Variants in GABPB1 observed in about 807,000 individuals in gnomAD.
GABPB1 encodes the protein GA-binding protein subunit beta-1.
GABPB1 carries 15 observed loss-of-function variants against 45.9 expected under a neutral mutation model. The ratio of observed to expected loss-of-function variants is 0.33; its 90% CI spans 0.22 to 0.50. The LOEUF (loss-of-function observed/expected upper bound fraction) is 0.50, where lower values mean the gene tolerates loss of function less well. Among genes scored for constraint, GABPB1 ranks in the 20% least tolerant of loss-of-function variants. GABPB1 has a pLI of 0.98. For missense variants in GABPB1, 252 were observed against 457.5 expected, an observed-to-expected ratio of 0.55 and a Z score of 4.10; for synonymous variants, 143 against 154.4, an observed-to-expected ratio of 0.93 and a Z score of 0.55.
chr15:50,281,911 G>C (rs1030077214), intron 8 of GABPB1, among the ~76,000 whole-genome samples: 1 of 152,102 alleles, frequency 6.6e-6, no homozygotes, highest in Admixed American at 6.6e-5. Context: ...AGACTAGCCT[G>C]GGCAACAGGG....
intron 6 of GABPB1, among the ~76,000 whole-genome samples, chr15:50,290,618 A>G (rs1015016562): frequency 1.3e-5 from 2 of 152,168 alleles, no homozygotes; most frequent in Non-Finnish European, 2.9e-5. Context: ...CACAATTCAT[A>G]AGATGAATTT....
chr15:50,303,385 C>T (rs1190994719), intron 3 of GABPB1, among the ~76,000 whole-genome samples: 1 of 151,860 alleles, frequency 6.6e-6, no homozygotes, highest in Non-Finnish European at 1.5e-5. Flanking sequence ...CCCATCTCTA[C>T]AATACAAAAA....
At chr15:50,278,958 A>G (rs2045894860) in intron 8 of GABPB1, among the ~76,000 whole-genome samples, 174 bp from the exon 9 acceptor site, 1 of 151,936 alleles carries the variant, frequency 6.6e-6, no homozygotes, top group South Asian at 2.1e-4. Flanking sequence ...TTAAGTCCCT[A>G]ATTTTGTGCT....
intron 1 of GABPB1, among the ~76,000 whole-genome samples, chr15:50,341,901 A>T (rs1055970756): frequency 3.3e-5 from 5 of 152,226 alleles, no homozygotes; most frequent in Non-Finnish European, 7.3e-5. Flanking sequence ...TAATATGCAT[A>T]ATCATTAAAT....
intron 6 of GABPB1, among the ~76,000 whole-genome samples, chr15:50,296,432 A>G (rs2046513980): frequency 6.6e-6 from 1 of 152,238 alleles, no homozygotes; most frequent in African/African-American, 2.4e-5. Flanking sequence ...TAAAATGAAA[A>G]TTACACAAAT....
intron 8 of GABPB1, among the ~76,000 whole-genome samples, chr15:50,282,560 G>GAAAAAAAAAAA (rs552203074): frequency 1.7e-4 from 15 of 88,984 alleles, no homozygotes; most frequent in East Asian, 2.9e-4. Flanking sequence ...CCTTAAAAAA[G>GAAAAAAAAAAA]AAAAAAAAAA....
intron 1 of GABPB1, among the ~76,000 whole-genome samples, chr15:50,326,618 C>T (rs1232067213): frequency 2.0e-5 from 3 of 151,854 alleles, no homozygotes; most frequent in Non-Finnish European, 4.4e-5. Flanking sequence ...GCTGAGACGG[C>T]GCCATTGCAC....
At position 50,303,992 on chromosome 15, in the gene GABPB1, C is replaced by A; in HGVS notation, c.250G>T (p.Ala84Ser). ...PLHMAASEGH[A>S]SIVEVLLKHG... is the part of the protein sequence containing the mutation. ...TTAAGTAAAACCTCTACTATGCTGG[C>A]ATGGCCCTCAGAAGCTGCCATATGT... Residue 84 changes from alanine to serine, a missense_variant, in exon 3 of 9, where the codon GCC becomes TCC. Physicochemically the swap from Ala to Ser is moderately conservative, Grantham distance 99 (BLOSUM62 1). Transcript: ENST00000380877. 1 of 1,610,316 alleles carries A rather than the reference C, an allele frequency of 6.2e-7. No homozygotes were observed. The highest frequency in any genetic ancestry group is 1.7e-5 in the Admixed American group (1 of 59,240).
chr15:50,312,070 C>T (rs560940852), intron 1 of GABPB1, among the ~76,000 whole-genome samples: 3 of 152,158 alleles, frequency 2.0e-5, no homozygotes, highest in South Asian at 2.1e-4. Context: ...TATGGCAAGG[C>T]GCAGCAGCTT....
chr15:50,320,523 G>A (rs1417860694), intron 1 of GABPB1, among the ~76,000 whole-genome samples: 1 of 152,144 alleles, frequency 6.6e-6, no homozygotes, highest in Non-Finnish European at 1.5e-5. Context: ...AGTCTTTTTA[G>A]TGGCTGCACA....
At chr15:50,288,013 C>T (rs964113829) in intron 7 of GABPB1, among the ~76,000 whole-genome samples, 1 of 152,142 alleles carries the variant, frequency 6.6e-6, no homozygotes, top group Non-Finnish European at 1.5e-5. Context: ...CTTCACTGGC[C>T]ATGAAAGGCA....
At chr15:50,332,648 A>G (rs2047985820) in intron 1 of GABPB1, among the ~76,000 whole-genome samples, 1 of 152,120 alleles carries the variant, frequency 6.6e-6, no homozygotes, top group Non-Finnish European at 1.5e-5. Flanking sequence ...GATATATATA[A>G]AAACACTTTA....
chr15:50,353,906 G>A (rs1192351413), intron 1 of GABPB1: 1 of 154,246 alleles, frequency 6.5e-6, no homozygotes, highest in Non-Finnish European at 1.5e-5. Flanking sequence ...ACAGTCCGGA[G>A]AGAAAACTTA....
intron 1 of GABPB1, among the ~76,000 whole-genome samples, chr15:50,315,189 C>T (rs1329835731): frequency 6.6e-6 from 1 of 152,090 alleles, no homozygotes; most frequent in East Asian, 1.9e-4. Flanking sequence ...TGGAGTACAG[C>T]GGTGAGATCA....
At chr15:50,298,856 G>A (rs2046617724) in intron 6 of GABPB1, among the ~76,000 whole-genome samples, 1 of 151,488 alleles carries the variant, frequency 6.6e-6, no homozygotes, top group South Asian at 2.1e-4. Flanking sequence ...GGAGGCTGAG[G>A]CAGGAGAACT....
chr15:50,303,679 A>C (rs2046838620), intron 3 of GABPB1, among the ~76,000 whole-genome samples: 2 of 84,536 alleles, frequency 2.4e-5, no homozygotes, highest in African/African-American at 5.8e-5. Flanking sequence ...TTCTGTCTCA[A>C]AAAAAAAAAA....
chr15:50,320,696 G>A (rs2141091164), intron 1 of GABPB1, among the ~76,000 whole-genome samples: 2 of 152,300 alleles, frequency 1.3e-5, no homozygotes, highest in Middle Eastern at 6.8e-3. Context: ...ATCCAAGTAT[G>A]ATGTAATCAC....
intron 1 of GABPB1, among the ~76,000 whole-genome samples, chr15:50,325,429 T>C (rs2047717211): frequency 6.6e-6 from 1 of 151,940 alleles, no homozygotes. Flanking sequence ...TCTGCTGATG[T>C]AGAATGGAGC....
chr15:50,286,598 G>C (rs2046164290), intron 7 of GABPB1, among the ~76,000 whole-genome samples: 1 of 151,976 alleles, frequency 6.6e-6, no homozygotes, highest in African/African-American at 2.4e-5. Context: ...ATAAAAGGTA[G>C]CATCTATACA....
Sources: gnomAD v4.1 joint callset for allele counts (sites outside exome capture counted in the v4.1 genomes callset) on GRCh38, gnomAD v4.1.1 for gene constraint, MANE v1.5 for transcripts, NCBI Gene and HGNC (gene_info 2026-07-23, HGNC 2026-07-21) for gene names.